Variants in SGCZ observed in about 807,000 individuals in gnomAD.
SGCZ encodes the protein zeta-sarcoglycan.
A neutral mutation model predicts 41.3 loss-of-function variants in SGCZ; 40 were observed. That is an observed-to-expected ratio of 0.97 (90% confidence interval 0.75 to 1.26). SGCZ has a LOEUF of 1.26. SGCZ is among the 50% of genes most tolerant of loss of function. The pLI is 0.00. For missense variants in SGCZ, 552 were observed against 369.8 expected, an observed-to-expected ratio of 1.49 and a Z score of -4.04; for synonymous variants, 206 against 137.5, an observed-to-expected ratio of 1.50 and a Z score of -3.49.
chr8:15,012,155 G>T (rs959746103), intron 1 of SGCZ, among the ~76,000 whole-genome samples: 1 of 152,024 alleles, frequency 6.6e-6, no homozygotes, highest in Non-Finnish European at 1.5e-5. Flanking sequence ...AATCCAACAG[G>T]TGAAGGTATA....
Position 14,684,806 on chromosome 8 carries a change from C to T in SGCZ, c.40-129880G>A, listed in dbSNP as rs796618350. Among the ~76,000 whole-genome samples the T allele has an allele frequency of 9.9e-5, 15 of 151,908 alleles. 1 individual carries two copies. The highest frequency in any genetic ancestry group is 3.6e-4 in the African/African-American group (15 of 41,456). On this transcript the variant is annotated intron_variant, in intron 1 of 7. Coordinates refer to ENST00000382080, the MANE Select transcript of SGCZ (RefSeq NM_139167.4). Reference sequence around the variant, plus strand: ...AAAAAAAATCTACAATGCTTCATAACCCTATTGGTAGCAGGCCCTTGTCAT... The same window carrying T: ...AAAAAAAATCTACAATGCTTCATAATCCTATTGGTAGCAGGCCCTTGTCAT...
At chr8:14,115,151 T>G (rs1313011649) in intron 5 of SGCZ, among the ~76,000 whole-genome samples, 2 of 152,008 alleles carry the variant, frequency 1.3e-5, no homozygotes, top group Non-Finnish European at 2.9e-5. Flanking sequence ...TTCCAAAGTA[T>G]GTGATTACTG....
chr8:15,208,103 A>C (rs531172561), intron 1 of SGCZ, among the ~76,000 whole-genome samples: 1 of 152,344 alleles, frequency 6.6e-6, no homozygotes, highest in South Asian at 2.1e-4. Flanking sequence ...TAAAACAGCA[A>C]ATAAAACACA....
intron 2 of SGCZ, among the ~76,000 whole-genome samples, chr8:14,536,711 C>A (rs1033235127): frequency 1.3e-5 from 2 of 151,730 alleles, no homozygotes; most frequent in African/African-American, 4.8e-5. Context: ...TCTGTGTGTC[C>A]ATGTATAAGT....
chr8:14,277,878 A>G (rs184578158), intron 3 of SGCZ, among the ~76,000 whole-genome samples: 24 of 152,282 alleles, frequency 1.6e-4, no homozygotes, highest in African/African-American at 5.1e-4. Context: ...AATAACCAGG[A>G]AAGATTAACC....
At chr8:14,127,053 T>C (rs1237686833) in intron 5 of SGCZ, among the ~76,000 whole-genome samples, 1 of 152,136 alleles carries the variant, frequency 6.6e-6, no homozygotes, top group East Asian at 1.9e-4. Context: ...GACAAGTTGA[T>C]AGATGCAGCA....
chr8:14,501,734 G>A (rs1024319771), intron 2 of SGCZ, among the ~76,000 whole-genome samples: 2 of 151,434 alleles, frequency 1.3e-5, no homozygotes, highest in Non-Finnish European at 2.9e-5. Flanking sequence ...GCCTGGCTTG[G>A]CTAATTTGGT....
At chr8:14,790,661 G>A (rs1395133718) in intron 1 of SGCZ, among the ~76,000 whole-genome samples, 2 of 152,108 alleles carry the variant, frequency 1.3e-5, no homozygotes, top group African/African-American at 4.8e-5. Flanking sequence ...ATTGATTCCA[G>A]TAGACAAACT....
intron 1 of SGCZ, among the ~76,000 whole-genome samples, chr8:14,977,204 A>G (rs1477899971): frequency 6.6e-6 from 1 of 151,898 alleles, no homozygotes; most frequent in Non-Finnish European, 1.5e-5. Flanking sequence ...GGAAGGCGCT[A>G]TGTCTTCTTC....
chr8:14,648,774 A>T (rs1049723200), intron 1 of SGCZ, among the ~76,000 whole-genome samples: 1 of 152,088 alleles, frequency 6.6e-6, no homozygotes, highest in African/African-American at 2.4e-5. Context: ...AAAAACCAAT[A>T]ATAAACAAAA....
At chr8:14,997,677 T>C (rs936403724) in intron 1 of SGCZ, among the ~76,000 whole-genome samples, 2 of 152,164 alleles carry the variant, frequency 1.3e-5, no homozygotes, top group African/African-American at 4.8e-5. Flanking sequence ...GAAATAGTCC[T>C]GGCAGGGTGC....
rs146068030 is a variant in SGCZ, at chr8:14,286,397, G to A, written c.336+37706C>T. On this transcript the variant is annotated intron_variant, in intron 3 of 7. Transcript: ENST00000382080. Reference sequence around the variant, plus strand: ...AATTACAATTCTAATTAGCGAATGCGTGCAGAGTATATTTAAAATGACATA... The same window carrying A: ...AATTACAATTCTAATTAGCGAATGCATGCAGAGTATATTTAAAATGACATA... 1.9e-4 allele frequency among the ~76,000 whole-genome samples: 29 copies of A among 152,142 alleles called. No individual in the cohort carries two copies. The East Asian group carries it at 3.7e-3, about 19-fold the overall frequency.
Position 14,888,250 on chromosome 8 carries a change from C to T in SGCZ, c.40-333324G>A, listed in dbSNP as rs117781574. 9.0e-4 allele frequency among the ~76,000 whole-genome samples: 137 copies of T among 152,116 alleles called. 1 individual carries two copies. Among genetic ancestry groups the T allele is most frequent in the Non-Finnish European group, 1.7e-3 (116 of 67,978 alleles). ...AAAGATGGCTAAGATTGCAGGGCAC[C>T]GTCTCATGGGTGGAGTAAGAGATTG... On this transcript the variant is annotated intron_variant, in intron 1 of 7. Transcript: ENST00000382080.
rs34966863 is a variant in SGCZ at position 14,662,740 on chromosome 8, A to G, written c.40-107814T>C. ...AATTAGATGAATTTAAGATGGGGAG[A>G]TTATCCTGCATTATCCACAAGCATG... On this transcript the variant is annotated intron_variant, in intron 1 of 7. Transcript: ENST00000382080. 4.5e-3 allele frequency among the ~76,000 whole-genome samples: 678 copies of G among 152,280 alleles called. 2 individuals are homozygous for G. The highest frequency in any genetic ancestry group is 8.4e-3 in the Non-Finnish European group (568 of 68,016).
At chr8:14,995,021 G>GT (rs1306104365) in intron 1 of SGCZ, among the ~76,000 whole-genome samples, 4 of 152,218 alleles carry the variant, frequency 2.6e-5, no homozygotes, top group Admixed American at 6.5e-5. Flanking sequence ...AAGGCATGCT[G>GT]TGTTTCTTAG....
intron 1 of SGCZ, among the ~76,000 whole-genome samples, chr8:15,085,347 T>A (rs1805909031): frequency 6.6e-6 from 1 of 152,118 alleles, no homozygotes; most frequent in Non-Finnish European, 1.5e-5. Context: ...GGGGCAATGA[T>A]CAGTAAAGGT....
chr8:14,463,172 T>C (rs1800950587), intron 2 of SGCZ, among the ~76,000 whole-genome samples: 2 of 151,618 alleles, frequency 1.3e-5, no homozygotes, highest in Non-Finnish European at 3.0e-5. Context: ...CATTTATTTT[T>C]ACATATTTCT....
intron 1 of SGCZ, among the ~76,000 whole-genome samples, chr8:14,719,552 G>A (rs1009470273): frequency 2.7e-4 from 41 of 152,112 alleles, no homozygotes; most frequent in Non-Finnish European, 4.1e-4. Context: ...CATTCTAACT[G>A]GTGTGAGATG....
At chr8:14,587,482 G>A (rs28415920) in intron 1 of SGCZ, among the ~76,000 whole-genome samples, 60,133 of 151,788 alleles carry the variant, frequency 0.4, 12,124 homozygotes, top group Admixed American at 0.45. Context: ...GACAAGCTGG[G>A]CAACACAGGG....
Sources: allele counts gnomAD v4.1 joint callset (sites outside exome capture counted in the v4.1 genomes callset), GRCh38; gene constraint gnomAD v4.1.1; transcripts MANE v1.5; gene names NCBI Gene and HGNC (gene_info 2026-07-23, HGNC 2026-07-21).